Variants in CATSPERE observed in about 807,000 individuals in gnomAD.
The protein encoded by CATSPERE is catsper channel auxiliary subunit epsilon, also known as cation channel sperm-associated auxiliary subunit epsilon.
CATSPERE carries 93 observed loss-of-function variants against 114.1 expected under a neutral mutation model. That is an observed-to-expected ratio of 0.81 (90% confidence interval 0.69 to 0.97). CATSPERE has a LOEUF of 0.97. Ranked by LOEUF, CATSPERE falls within the 50% of genes least tolerant of loss-of-function variation. The pLI is 0.00. For missense variants in CATSPERE, 1,058 were observed against 1,131.6 expected (o/e 0.93, Z 0.93); for synonymous variants, 341 against 384.1 (o/e 0.89, Z 1.31).
chr1:244,629,503 C>CTTTTTT (rs369560104), intron 20 of CATSPERE, among the ~76,000 whole-genome samples: 75 of 82,240 alleles, frequency 9.1e-4, no homozygotes, highest in Non-Finnish European at 1.2e-3. Context: ...TCTCTCTTAC[C>CTTTTTT]TTTTTTTTTT....
At chr1:244,554,197 G>A (rs560143942) in intron 9 of CATSPERE, among the ~76,000 whole-genome samples, 18 of 152,174 alleles carry the variant, frequency 1.2e-4, no homozygotes, top group Admixed American at 8.5e-4. Flanking sequence ...ATAAATACCC[G>A]GTAGTGGGAA....
At position 244,467,514 on chromosome 1, in the gene CATSPERE, A is replaced by C. The variant is rs1189338537; in HGVS notation, c.114+3558A>C. The stretch of plus-strand genomic sequence containing the variant: ...GTAGGAACTCTAATACACCACTAGA[A>C]GGAATGCAGGTTGGTATAACCACTT... On this transcript the variant is annotated intron_variant, in intron 2 of 21. Coordinates refer to ENST00000366534, the MANE Select transcript of CATSPERE (RefSeq NM_001130957.2). 3.3e-5 allele frequency among the ~76,000 whole-genome samples: 5 copies of C among 152,234 alleles called. No homozygotes were observed. The East Asian group carries it at 9.6e-4, about 29-fold the overall frequency.
upstream of CATSPERE, chr1:244,452,076 ACGGCC>A (rs1167678318): frequency 3.2e-6 from 1 of 310,982 alleles, no homozygotes; most frequent in Non-Finnish European, 5.8e-6. Flanking sequence ...GGTGGCGGCA[ACGGCC>A]GCCACCCCGG....
Position 244,524,653 on chromosome 1 carries a change from A to G in CATSPERE, c.536+5955A>G, listed in dbSNP as rs1349704007. On this transcript the variant is annotated intron_variant, in intron 8 of 21. Transcript: ENST00000366534. The stretch of plus-strand genomic sequence containing the variant: ...AAACAAATTTACAAGAAAAAAACAA[A>G]CAACCCCATCAAAAAGTGGGCAAAG... 3.3e-5 allele frequency among the ~76,000 whole-genome samples: 5 copies of G among 151,852 alleles called. No individual in the cohort carries two copies. The East Asian group carries it at 9.6e-4, about 29-fold the overall frequency.
At chr1:244,610,107 A>T in intron 18 of CATSPERE, 133 bp from the exon 19 acceptor site, 1 of 614,234 alleles carries the variant, frequency 1.6e-6, no homozygotes, top group East Asian at 2.8e-5. Context: ...ATTCCTCTGT[A>T]TACCAGCCAA....
chr1:244,521,612 G>C (rs915913573), intron 8 of CATSPERE, among the ~76,000 whole-genome samples: 1 of 151,732 alleles, frequency 6.6e-6, no homozygotes, highest in Non-Finnish European at 1.5e-5. Context: ...ACCTCATATT[G>C]TACATAAAAA....
intron 10 of CATSPERE, among the ~76,000 whole-genome samples, chr1:244,566,783 G>T (rs530905645): frequency 6.7e-6 from 1 of 149,826 alleles, no homozygotes; most frequent in East Asian, 2.0e-4. Flanking sequence ...ACACCAATGG[G>T]TCTTGACTCT....
intron 8 of CATSPERE, among the ~76,000 whole-genome samples, chr1:244,533,584 T>C (rs1679941296): frequency 6.6e-6 from 1 of 152,132 alleles, no homozygotes; most frequent in Non-Finnish European, 1.5e-5. Context: ...CCCATTATTT[T>C]AAACTGATGA....
At chr1:244,632,040 C>G (rs1194420457) in intron 20 of CATSPERE, among the ~76,000 whole-genome samples, 1 of 152,022 alleles carries the variant, frequency 6.6e-6, no homozygotes, top group Non-Finnish European at 1.5e-5. Context: ...TGCACTCTAG[C>G]CTGGGTGATA....
upstream of CATSPERE, chr1:244,451,621 C>A (rs548684956): frequency 3.7e-6 from 6 of 1,600,722 alleles, no homozygotes; most frequent in South Asian, 5.6e-5. This position sits in a 1 kb window ranked among gnomAD's most constrained non-coding sequence, Gnocchi z 6.6. Flanking sequence ...CCATGAGAGG[C>A]CCCGTCGCCT....
intron 5 of CATSPERE, among the ~76,000 whole-genome samples, chr1:244,487,299 G>A (rs941608455): frequency 6.6e-6 from 1 of 152,100 alleles, no homozygotes; most frequent in African/African-American, 2.4e-5. Context: ...TCACCTGGTG[G>A]GTGGTTCAAC....
In CATSPERE at chr1:244,542,750, A is replaced by G. The variant is rs563916213; in HGVS notation, c.537-9572A>G. On this transcript the variant is annotated intron_variant, in intron 8 of 21. Transcript: ENST00000366534. Reference sequence around the variant, plus strand: ...AAGCTCAGCCAATGCATATGTGTGGAGCATAGCCTCTGGCCCTGTCCACTT... The same window carrying G: ...AAGCTCAGCCAATGCATATGTGTGGGGCATAGCCTCTGGCCCTGTCCACTT... Among the ~76,000 whole-genome samples the G allele has an allele frequency of 3.3e-5, 5 of 152,280 alleles. No homozygotes were observed. In the South Asian group the frequency reaches 6.2e-4, roughly 19 times the overall value.
chr1:244,518,642 C>T lies in CATSPERE; in HGVS notation c.480C>T (p.Val160=). 6.2e-7 allele frequency: 1 copy of T among 1,601,922 alleles called. No homozygotes were observed. The highest frequency in any genetic ancestry group is 8.5e-7 in the Non-Finnish European group (1 of 1,171,852). ...TGGCCACATTGGGACAGAAGCCTGT[C>T]ATACATACAGTTCTGAAGAGAAAAG... is the stretch of plus-strand genomic sequence containing the variant. The part of the protein sequence containing the change: ...TQMATLGQKP[V]IHTVLKRKVY... The change falls in exon 8 of 22, where the codon GTC becomes GTT. Residue 160 remains valine (V), a synonymous_variant. Coordinates refer to ENST00000366534, the MANE Select transcript of CATSPERE (RefSeq NM_001130957.2).
chr1:244,566,553 G>A (rs1342913465), intron 10 of CATSPERE, among the ~76,000 whole-genome samples: 1 of 149,074 alleles, frequency 6.7e-6, no homozygotes, highest in African/African-American at 2.5e-5. Context: ...TCTTCTTGTT[G>A]CATTGATTCC....
chr1:244,567,368 A>G (rs1475055027), intron 10 of CATSPERE, among the ~76,000 whole-genome samples: 1 of 151,960 alleles, frequency 6.6e-6, no homozygotes, highest in Non-Finnish European at 1.5e-5. Flanking sequence ...TGTTCTCTGT[A>G]TTTCCTGAAT....
intron 8 of CATSPERE, among the ~76,000 whole-genome samples, chr1:244,547,206 A>G (rs898195741): frequency 3.3e-5 from 5 of 151,878 alleles, no homozygotes; most frequent in African/African-American, 1.2e-4. Context: ...TAAATAAAAA[A>G]AATGCCAACC....
intron 12 of CATSPERE, 48 bp downstream of exon 12, chr1:244,581,902 C>G: frequency 1.2e-6 from 1 of 820,820 alleles, no homozygotes; most frequent in Non-Finnish European, 1.9e-6. Context: ...ATATGCTACT[C>G]AGGTTATTGA....
At chr1:244,566,632 G>T (rs1215198168) in intron 10 of CATSPERE, among the ~76,000 whole-genome samples, 1 of 116,098 alleles carries the variant, frequency 8.6e-6, no homozygotes, top group Non-Finnish European at 1.8e-5. Context: ...TTTTATCAGA[G>T]ACTAGGATTG....
intron 11 of CATSPERE, among the ~76,000 whole-genome samples, chr1:244,572,989 C>T: frequency 6.6e-6 from 1 of 151,984 alleles, no homozygotes; most frequent in Non-Finnish European, 1.5e-5. Context: ...TAACACATTC[C>T]TTCAAAACTC....
Sources: gnomAD v4.1 joint callset for allele counts (sites outside exome capture counted in the v4.1 genomes callset) on GRCh38, gnomAD v4.1.1 for gene constraint, Gnocchi (gnomAD v3.1) non-coding constraint, MANE v1.5 for transcripts, NCBI Gene and HGNC (gene_info 2026-07-23, HGNC 2026-07-21) for gene names.